PCDHGA5: variants seen among roughly 807,000 people sequenced by gnomAD.
PCDHGA5 encodes protocadherin gamma-A5.
A neutral mutation model predicts 56.7 loss-of-function variants in PCDHGA5; 36 were observed. That is an observed-to-expected ratio of 0.64 (90% CI 0.49 to 0.84). The LOEUF (loss-of-function observed/expected upper bound fraction) is 0.84. PCDHGA5 is among the 40% of genes least tolerant of loss of function. The pLI is 0.00. For missense variants in PCDHGA5, 1,305 were observed against 1,201.5 expected, an observed-to-expected ratio of 1.09 and a Z score of -1.27; for synonymous variants, 563 against 520.2, an observed-to-expected ratio of 1.08 and a Z score of -1.12.
At chr5:141,427,824 G>A (rs1298494092) in intron 1 of PCDHGA5, 5 of 1,535,458 alleles carry the variant, frequency 3.3e-6, no homozygotes, top group African/African-American at 1.4e-5. Flanking sequence ...GGTGGTGGTC[G>A]CGCAGCGTGC....
intron 1 of PCDHGA5, chr5:141,404,536 G>A: frequency 6.2e-7 from 1 of 1,613,922 alleles, no homozygotes; most frequent in Non-Finnish European, 8.5e-7. Flanking sequence ...TTAGAGATTT[G>A]CAAATGCAGG....
chr5:141,406,288 G>A (rs72790038), intron 1 of PCDHGA5, among the ~76,000 whole-genome samples: 9,719 of 151,928 alleles, frequency 0.064, 366 homozygotes, highest in African/African-American at 0.1. Context: ...CCAAAGCACT[G>A]GGTGAGGTGT....
intron 1 of PCDHGA5, among the ~76,000 whole-genome samples, chr5:141,466,884 T>G (rs901947336): frequency 2.6e-5 from 4 of 152,212 alleles, no homozygotes; most frequent in Admixed American, 1.3e-4. Flanking sequence ...TTTCATAATA[T>G]GCATTTTCCA....
chr5:141,398,841 TC>T (rs1383151737), intron 1 of PCDHGA5: 5 of 1,613,612 alleles, frequency 3.1e-6, no homozygotes, highest in African/African-American at 1.3e-5. Flanking sequence ...CCAATGATAA[TC>T]CCCCGGTATT....
intron 1 of PCDHGA5, chr5:141,422,357 C>G: frequency 6.4e-7 from 1 of 1,557,656 alleles, no homozygotes; most frequent in African/African-American, 1.4e-5. Flanking sequence ...GATCAAGATT[C>G]TGGAGAAAAT....
chr5:141,431,008 C>T lies in PCDHGA5; in HGVS notation c.2422-63799C>T. The T allele has an allele frequency of 6.2e-7, 1 of 1,614,118 alleles. No individual in the cohort carries two copies. The highest frequency in any genetic ancestry group is 1.1e-5 in the South Asian group (1 of 91,076). ...TCGCCCTGAATCCGCGCAGCGGCAG[C>T]TTGGTCACGGCGGGCAGGATAGACC... On this transcript the variant is annotated intron_variant, in intron 1 of 3. Transcript: ENST00000518069. This position sits in a 1 kb window ranked among gnomAD's most constrained non-coding sequence, Gnocchi z 4.8.
chr5:141,403,612 GC>G, intron 1 of PCDHGA5: 1 of 1,613,854 alleles, frequency 6.2e-7, no homozygotes, highest in Non-Finnish European at 8.5e-7. Flanking sequence ...GCGGCGAGCC[GC>G]GTCGCTCCAG....
rs200464357 is a variant in PCDHGA5 at position 141,489,983 on chromosome 5, G to A, written c.2422-4824G>A. 4.5e-5 allele frequency: 73 copies of A among 1,614,172 alleles called. No homozygotes were observed. Among genetic ancestry groups the A allele is most frequent in the Middle Eastern group, 3.3e-4 (2 of 6,062 alleles). ...CCAACCTTCCAATCCTCAGTTCTAC[G>A]TGTGGGAATCCCAGAGAATGCACCC... On this transcript the variant is annotated intron_variant, in intron 1 of 3. Coordinates refer to ENST00000518069, the MANE Select transcript of PCDHGA5 (RefSeq NM_018918.3). This position sits in a 1 kb window ranked among gnomAD's most constrained non-coding sequence, Gnocchi z 4.5.
intron 1 of PCDHGA5, chr5:141,419,779 GC>G: frequency 1.2e-6 from 2 of 1,614,064 alleles, no homozygotes; most frequent in African/African-American, 2.7e-5. Context: ...CGGTCCGCCA[GC>G]GCCTGCTAGT....
chr5:141,509,081 A>C (rs1279221589), intron 3 of PCDHGA5, among the ~76,000 whole-genome samples: 2 of 152,160 alleles, frequency 1.3e-5, no homozygotes, highest in Non-Finnish European at 2.9e-5. Flanking sequence ...GATTTGCGAC[A>C]TGAAATGGGG....
intron 1 of PCDHGA5, among the ~76,000 whole-genome samples, chr5:141,459,376 G>A (rs72790056): frequency 0.022 from 3,347 of 152,266 alleles, 53 homozygotes; most frequent in South Asian, 0.04. Flanking sequence ...TATCAGCAGC[G>A]TGTTCCATTT....
chr5:141,438,629 T>C (rs1162332421), intron 1 of PCDHGA5, among the ~76,000 whole-genome samples: 9 of 48,096 alleles, frequency 1.9e-4, no homozygotes, highest in Admixed American at 6.4e-4. Context: ...TATATATATA[T>C]ATATATACAC....
In PCDHGA5 at chr5:141,393,936, G is replaced by A. The variant is rs766829273; in HGVS notation, c.2421+27185G>A. On this transcript the variant is annotated intron_variant, in intron 1 of 3. Transcript: ENST00000518069. ...TGCCTTCTTGAGTGTGCATGACCAA[G>A]ACTCTGGAAAGAATGGTCAAGTTGT... 3 of 1,613,922 alleles carry A rather than the reference G, an allele frequency of 1.9e-6. No homozygotes were observed. In the Admixed American group the frequency reaches 5.0e-5, roughly 27 times the overall value.
chr5:141,469,676 A>G (rs1227075639), intron 1 of PCDHGA5, among the ~76,000 whole-genome samples: 1 of 152,250 alleles, frequency 6.6e-6, no homozygotes, highest in African/African-American at 2.4e-5. Context: ...ATAAAACTAC[A>G]TATGCATTGG....
rs1248983040 is a variant in PCDHGA5, at chr5:141,476,937, G to T, written c.2422-17870G>T. 3.1e-6 allele frequency: 5 copies of T among 1,614,186 alleles called. No homozygotes were observed. Among genetic ancestry groups the T allele is most frequent in the Non-Finnish European group, 4.2e-6 (5 of 1,180,050 alleles). The stretch of plus-strand genomic sequence containing the variant: ...GTCCTTGCAACGGATCTGGATGAAG[G>T]CCCCAACGGTGAAATTATTTACTCC... On this transcript the variant is annotated intron_variant, in intron 1 of 3. Coordinates refer to ENST00000518069, the MANE Select transcript of PCDHGA5 (RefSeq NM_018918.3). This position sits in a 1 kb window ranked among gnomAD's most constrained non-coding sequence, Gnocchi z 7.6.
intron 1 of PCDHGA5, chr5:141,393,423 G>A: frequency 1.2e-6 from 2 of 1,614,040 alleles, no homozygotes; most frequent in South Asian, 2.2e-5. Flanking sequence ...GGACAGGGAG[G>A]AAGAGGCTGC....
chr5:141,504,765 C>T lies in PCDHGA5; in HGVS notation c.2481-628C>T, dbSNP rs548234873. ...ATTGAATTTTAGAAATTTCTTCTCC[C>T]TGCTCCAGGGTCTCTTGGGGCCTCC... On this transcript the variant is annotated intron_variant, in intron 2 of 3. Transcript: ENST00000518069. Among the ~76,000 whole-genome samples, 4 of 152,156 alleles carry T rather than the reference C, an allele frequency of 2.6e-5. No homozygotes were observed. The South Asian group carries it at 8.3e-4, about 32-fold the overall frequency.
At chr5:141,419,723 C>G (rs373666366) in intron 1 of PCDHGA5, 1 of 1,613,174 alleles carries the variant, frequency 6.2e-7, no homozygotes, top group African/African-American at 1.3e-5. Context: ...CCTGGGGCTG[C>G]GAACAGGCGA....
intron 1 of PCDHGA5, among the ~76,000 whole-genome samples, chr5:141,449,391 G>A (rs1020753910): frequency 1.3e-5 from 2 of 151,876 alleles, no homozygotes; most frequent in Non-Finnish European, 2.9e-5. Context: ...TGGATTACTT[G>A]AGGCCAGGAG....
Sources: allele counts gnomAD v4.1 joint callset (sites outside exome capture counted in the v4.1 genomes callset), GRCh38; gene constraint gnomAD v4.1.1; non-coding constraint Gnocchi (gnomAD v3.1); transcripts MANE v1.5; gene names NCBI Gene and HGNC (gene_info 2026-07-23, HGNC 2026-07-21).